The following TMEM167A variants were observed in gnomAD, a reference collection of about 807,000 sequenced individuals.
TMEM167A encodes the protein protein kish-A.
Under a neutral mutation model 11.6 loss-of-function variants are expected in TMEM167A, and 8 were observed. The ratio of observed to expected loss-of-function variants is 0.69; its 90% CI spans 0.40 to 1.24. The LOEUF is 1.24. Ranked by LOEUF, TMEM167A falls within the 50% of genes most tolerant of loss-of-function variation. TMEM167A has a pLI of 0.01. For missense variants in TMEM167A, 62 were observed against 87.0 expected, an observed-to-expected ratio of 0.71 and a Z score of 1.14; for synonymous variants, 22 against 28.0, an observed-to-expected ratio of 0.79 and a Z score of 0.67.
At chr5:83,068,541 G>A (rs923572955) in intron 1 of TMEM167A, among the ~76,000 whole-genome samples, 8 of 152,026 alleles carry the variant, frequency 5.3e-5, no homozygotes, top group Non-Finnish European at 1.2e-4. Context: ...TGCCATTTTT[G>A]TAAGAAAAAG....
intron 1 of TMEM167A, among the ~76,000 whole-genome samples, chr5:83,068,550 A>G (rs564453740): frequency 3.3e-5 from 5 of 152,294 alleles, no homozygotes; most frequent in South Asian, 4.1e-4. Context: ...TGTAAGAAAA[A>G]GTCAGGAAAA....
At position 83,056,947 on chromosome 5, in the gene TMEM167A, T is replaced by C; in HGVS notation, c.*137A>G. ...GAACATTGGTCCAATAACATTAAAA[T>C]AGAGAACAGCATCTGGAAATTTATC... On this transcript the variant is annotated 3_prime_UTR_variant, in exon 4 of 4. Coordinates refer to ENST00000502346, the MANE Select transcript of TMEM167A (RefSeq NM_174909.5). 4 of 773,266 alleles carry C rather than the reference T, an allele frequency of 5.2e-6. No individual in the cohort carries two copies. The highest frequency in any genetic ancestry group is 1.5e-5 in the South Asian group (1 of 67,118). 47.9% of individuals were successfully genotyped at this position (773,266 alleles called of 1,614,324 possible). A position where few individuals can be genotyped will look rare whatever the true frequency, so the allele number is the denominator to read the frequency against.
intron 3 of TMEM167A, among the ~76,000 whole-genome samples, chr5:83,061,107 C>T (rs950175609): frequency 2.0e-5 from 3 of 152,110 alleles, no homozygotes; most frequent in African/African-American, 7.2e-5. Context: ...TCAAACAGTT[C>T]GGCTATGACC....
At chr5:83,067,023 C>T (rs1189226697) in intron 1 of TMEM167A, among the ~76,000 whole-genome samples, 3 of 152,126 alleles carry the variant, frequency 2.0e-5, no homozygotes, top group African/African-American at 7.2e-5. Context: ...CTAAGTGACC[C>T]TTTTTTCTTA....
intron 1 of TMEM167A, among the ~76,000 whole-genome samples, chr5:83,067,846 C>CA (rs1380108343): frequency 1.3e-5 from 2 of 152,050 alleles, no homozygotes; most frequent in Non-Finnish European, 2.9e-5. Context: ...CTAGATTTCT[C>CA]AAATTGTCTA....
chr5:83,070,489 G>A (rs1317123549), intron 1 of TMEM167A, among the ~76,000 whole-genome samples: 2 of 152,154 alleles, frequency 1.3e-5, no homozygotes, highest in African/African-American at 2.4e-5. Flanking sequence ...ATAAACTTGA[G>A]TCAGTTACTT....
At chr5:83,073,867 A>C (rs921454170) in intron 1 of TMEM167A, among the ~76,000 whole-genome samples, 1 of 152,204 alleles carries the variant, frequency 6.6e-6, no homozygotes, top group East Asian at 1.9e-4. Flanking sequence ...AGTATCTTCA[A>C]AACGATTTTC....
At chr5:83,076,070 T>C (rs1462634855) in intron 1 of TMEM167A, among the ~76,000 whole-genome samples, 1 of 152,214 alleles carries the variant, frequency 6.6e-6, no homozygotes, top group East Asian at 1.9e-4. Flanking sequence ...TTTCTATCGA[T>C]AACAGCATGA....
chr5:83,073,144 A>G (rs1450415083), intron 1 of TMEM167A, among the ~76,000 whole-genome samples: 2 of 152,220 alleles, frequency 1.3e-5, no homozygotes, highest in African/African-American at 2.4e-5. Flanking sequence ...TCTGCTATTT[A>G]TAAGCAGTGT....
At chr5:83,059,209 T>TA (rs997334617) in intron 3 of TMEM167A, among the ~76,000 whole-genome samples, 2 of 147,048 alleles carry the variant, frequency 1.4e-5, no homozygotes, top group Non-Finnish European at 3.0e-5. Context: ...TACTCAGACA[T>TA]AAAAATAGAT....
chr5:83,076,567 C>T (rs1744669122), intron 1 of TMEM167A, among the ~76,000 whole-genome samples: 1 of 152,242 alleles, frequency 6.6e-6, no homozygotes, highest in South Asian at 2.1e-4. Context: ...GATTCTGCAG[C>T]AACTTCTGTG....
At chr5:83,069,579 C>T (rs376030997) in intron 1 of TMEM167A, among the ~76,000 whole-genome samples, 25 of 152,094 alleles carry the variant, frequency 1.6e-4, no homozygotes, top group East Asian at 3.9e-4. Context: ...CTGACTCATG[C>T]GTCCAATCTC....
chr5:83,075,509 G>T (rs1181949076), intron 1 of TMEM167A, among the ~76,000 whole-genome samples: 1 of 152,170 alleles, frequency 6.6e-6, no homozygotes, highest in Non-Finnish European at 1.5e-5. Context: ...CACTTTGGGA[G>T]GCTGAGGTGG....
Position 83,060,831 on chromosome 5 carries a change from C to CAA in TMEM167A, c.148+1044_148+1045dup, listed in dbSNP as rs35024013. Among the ~76,000 whole-genome samples, 421 of 120,152 alleles carry CAA rather than the reference C, an allele frequency of 3.5e-3. 2 individuals are homozygous for CAA. Among genetic ancestry groups the CAA allele is most frequent in the South Asian group, 0.021 (83 of 3,922 alleles). The allele number at this position is 120,152 out of a possible 152,430, so 78.8% of individuals were successfully genotyped here. A position where few individuals can be genotyped will look rare whatever the true frequency, so the allele number is the denominator to read the frequency against. ...GGGCAACACTGCAAGACTCCATCTC[C>CAA]AAAAAAAAAAAAAATACTGATGAAT... On this transcript the variant is annotated intron_variant, in intron 3 of 3. Coordinates refer to ENST00000502346, the MANE Select transcript of TMEM167A (RefSeq NM_174909.5).
chr5:83,067,410 CA>C (rs1744498995), intron 1 of TMEM167A, among the ~76,000 whole-genome samples: 1 of 152,096 alleles, frequency 6.6e-6, no homozygotes, highest in Non-Finnish European at 1.5e-5. Flanking sequence ...AAGCAGTAGG[CA>C]AAAGGGGATC....
chr5:83,073,344 T>C (rs1441077248), intron 1 of TMEM167A, among the ~76,000 whole-genome samples: 2 of 152,122 alleles, frequency 1.3e-5, no homozygotes, highest in African/African-American at 4.8e-5. Context: ...AGCCAAAAGA[T>C]ATATAACAAA....
intron 1 of TMEM167A, among the ~76,000 whole-genome samples, chr5:83,076,592 ATT>A (rs1265677458): frequency 1.3e-5 from 2 of 152,180 alleles, no homozygotes; most frequent in Non-Finnish European, 2.9e-5. Context: ...TAGGCTCATA[ATT>A]TTTCACCATG....
rs571778744 is a variant in TMEM167A, at chr5:83,058,886, A to T, written c.149-1732T>A. ...TCTTAGGTCTGTATAAGTGAATGTA[A>T]AACAGTTGCTGTAATGTGATGTGTA... is the stretch of plus-strand genomic sequence containing the variant. On this transcript the variant is annotated intron_variant, in intron 3 of 3. Transcript: ENST00000502346. Among the ~76,000 whole-genome samples the T allele has an allele frequency of 2.6e-5, 4 of 152,210 alleles. No individual in the cohort carries two copies. In the South Asian group the frequency reaches 8.3e-4, roughly 32 times the overall value.
chr5:83,076,744 A>C (rs1234720993), intron 1 of TMEM167A, among the ~76,000 whole-genome samples: 2 of 152,252 alleles, frequency 1.3e-5, no homozygotes, highest in Non-Finnish European at 1.5e-5. Context: ...ACACCACTCC[A>C]ATAAGTACAT....
Sources: allele counts gnomAD v4.1 joint callset (sites outside exome capture counted in the v4.1 genomes callset), GRCh38; gene constraint gnomAD v4.1.1; transcripts MANE v1.5; gene names NCBI Gene and HGNC (gene_info 2026-07-23, HGNC 2026-07-21).